The following CARMIL1 variants were observed in gnomAD, a reference collection of about 807,000 sequenced individuals.
CARMIL1 encodes the protein F-actin-uncapping protein LRRC16A.
Under a neutral mutation model 177.1 loss-of-function variants are expected in CARMIL1, and 90 were observed. The ratio of observed to expected loss-of-function variants is 0.51; its 90% CI spans 0.43 to 0.61. The LOEUF is 0.61. CARMIL1 is among the 20% of genes least tolerant of loss of function. The pLI is 0.00. For synonymous variants in CARMIL1, 577 were observed against 606.2 expected (o/e 0.95, Z 0.71); for missense variants, 1,380 against 1,667.0 (o/e 0.83, Z 3.00).
intron 10 of CARMIL1, 69 bp downstream of exon 10, chr6:25,471,326 T>A (rs981844781): frequency 1.8e-6 from 2 of 1,134,856 alleles, no homozygotes; most frequent in Non-Finnish European, 2.5e-6. Context: ...TCTAATTAAT[T>A]CATAGTTTTT....
intron 2 of CARMIL1, among the ~76,000 whole-genome samples, chr6:25,388,875 G>A (rs1792455004): frequency 6.6e-6 from 1 of 151,934 alleles, no homozygotes; most frequent in African/African-American, 2.4e-5. Context: ...AAAAAGGGAG[G>A]CTTCTTTTTG....
intron 11 of CARMIL1, among the ~76,000 whole-genome samples, chr6:25,480,192 G>T (rs1237071620): frequency 6.6e-6 from 1 of 151,890 alleles, no homozygotes; most frequent in Non-Finnish European, 1.5e-5. Flanking sequence ...TTTTCATTAT[G>T]ATCTTGATAT....
intron 2 of CARMIL1, among the ~76,000 whole-genome samples, chr6:25,362,768 C>T (rs538018302): frequency 6.6e-6 from 1 of 152,340 alleles, no homozygotes; most frequent in East Asian, 1.9e-4. Context: ...GGCACAGTGG[C>T]TCACACCTGT....
intron 33 of CARMIL1, among the ~76,000 whole-genome samples, chr6:25,603,338 T>G (rs374215735): frequency 6.6e-6 from 1 of 152,226 alleles, no homozygotes; most frequent in Non-Finnish European, 1.5e-5. Context: ...CTGCAGTGCT[T>G]GTATACACAT....
At chr6:25,434,867 G>A (rs906278199) in intron 4 of CARMIL1, among the ~76,000 whole-genome samples, 1 of 152,086 alleles carries the variant, frequency 6.6e-6, no homozygotes, top group Admixed American at 6.6e-5. Flanking sequence ...ACTTTTAAAA[G>A]CATTTCTCTT....
At chr6:25,451,467 G>A (rs1240700000) in intron 8 of CARMIL1, among the ~76,000 whole-genome samples, 1 of 152,168 alleles carries the variant, frequency 6.6e-6, no homozygotes, top group Non-Finnish European at 1.5e-5. Context: ...CAGTTTGCCA[G>A]TATCTGCCAT....
At chr6:25,462,160 T>G (rs965770633) in intron 8 of CARMIL1, among the ~76,000 whole-genome samples, 2 of 152,182 alleles carry the variant, frequency 1.3e-5, no homozygotes, top group African/African-American at 4.8e-5. Context: ...AGAGCAAAAG[T>G]TTTTAATTTT....
intron 23 of CARMIL1, among the ~76,000 whole-genome samples, chr6:25,526,890 T>C (rs1018452543): frequency 2.0e-4 from 30 of 152,268 alleles, no homozygotes; most frequent in African/African-American, 6.5e-4. Context: ...TTCTTACATA[T>C]TCAAGTTTTT....
At chr6:25,377,707 G>A (rs190748446) in intron 2 of CARMIL1, among the ~76,000 whole-genome samples, 144 of 152,282 alleles carry the variant, frequency 9.5e-4, no homozygotes, top group African/African-American at 3.3e-3. Flanking sequence ...ACAGACTCAG[G>A]ATCTCTTGGT....
intron 16 of CARMIL1, among the ~76,000 whole-genome samples, chr6:25,499,941 G>T (rs1804139691): frequency 6.6e-6 from 1 of 152,178 alleles, no homozygotes; most frequent in Non-Finnish European, 1.5e-5. Context: ...TTTATGATGG[G>T]CTCACTGCCT....
At chr6:25,308,001 T>G (rs1292964003) in intron 2 of CARMIL1, among the ~76,000 whole-genome samples, 1 of 152,260 alleles carries the variant, frequency 6.6e-6, no homozygotes, top group African/African-American at 2.4e-5. Flanking sequence ...CAAATGGCAC[T>G]GATAAGACTT....
chr6:25,530,855 A>T (rs565223862), intron 24 of CARMIL1, among the ~76,000 whole-genome samples: 20 of 152,312 alleles, frequency 1.3e-4, no homozygotes, highest in African/African-American at 3.4e-4. Context: ...GGGTTAAGGG[A>T]TTGGCGTGTC....
intron 11 of CARMIL1, among the ~76,000 whole-genome samples, chr6:25,475,367 T>A (rs1412077483): frequency 2.0e-5 from 3 of 151,624 alleles, no homozygotes; most frequent in Non-Finnish European, 4.4e-5. Flanking sequence ...AGCCACTGCA[T>A]TCTAGCCTGG....
chr6:25,317,524 T>C (rs76426173), intron 2 of CARMIL1, among the ~76,000 whole-genome samples: 4,595 of 151,146 alleles, frequency 0.03, 91 homozygotes, highest in Non-Finnish European at 0.051. Context: ...GCTTTTTTTT[T>C]TTTAAACTAT....
At chr6:25,354,830 A>T (rs1788423965) in intron 2 of CARMIL1, among the ~76,000 whole-genome samples, 1 of 152,130 alleles carries the variant, frequency 6.6e-6, no homozygotes, top group African/African-American at 2.4e-5. Flanking sequence ...ATTTTGTTGC[A>T]GATCTATATC....
chr6:25,362,302 A>T (rs1222179670), intron 2 of CARMIL1, among the ~76,000 whole-genome samples: 1 of 152,252 alleles, frequency 6.6e-6, no homozygotes, highest in East Asian at 1.9e-4. Flanking sequence ...CCTAATGCCT[A>T]CAGTTGTCAT....
At chr6:25,518,642 C>T (rs190482987) in intron 22 of CARMIL1, among the ~76,000 whole-genome samples, 5 of 152,328 alleles carry the variant, frequency 3.3e-5, no homozygotes, top group African/African-American at 2.4e-5. Flanking sequence ...TGGATGCTAA[C>T]AGCACAGTTG....
chr6:25,517,011 T>C (rs544182955), intron 21 of CARMIL1, among the ~76,000 whole-genome samples: 2 of 152,348 alleles, frequency 1.3e-5, no homozygotes, highest in South Asian at 4.1e-4. Context: ...CAGACATAAA[T>C]ATAAGAATAT....
intron 2 of CARMIL1, among the ~76,000 whole-genome samples, chr6:25,375,849 G>T (rs1050025344): frequency 3.3e-5 from 5 of 152,064 alleles, no homozygotes; most frequent in African/African-American, 1.2e-4. Flanking sequence ...TTTTTCTTCA[G>T]AATATCTGTC....
Sources: allele counts gnomAD v4.1 joint callset (sites outside exome capture counted in the v4.1 genomes callset), GRCh38; gene constraint gnomAD v4.1.1; transcripts MANE v1.5; gene names NCBI Gene and HGNC (gene_info 2026-07-23, HGNC 2026-07-21).